RBFOX1: variants seen among roughly 807,000 people sequenced by gnomAD.
RBFOX1 encodes RNA binding fox-1 homolog 1, also known as RNA binding protein fox-1 homolog 1.
In RBFOX1, 8 loss-of-function variants were observed where a neutral mutation model predicts 57.7. That is an observed-to-expected ratio of 0.14 (90% CI 0.08 to 0.25). The LOEUF is 0.25. RBFOX1 is among the 10% of genes least tolerant of loss of function. The pLI, the probability that RBFOX1 is intolerant of heterozygous loss-of-function variation, is 1.00. For synonymous variants in RBFOX1, 326 were observed against 222.4 expected (o/e 1.47, Z -4.15); for missense variants, 611 against 548.5 (o/e 1.11, Z -1.14).
chr16:6,723,864 T>C (rs949453190), intron 3 of RBFOX1: 2 of 152,168 alleles, frequency 1.3e-5, no homozygotes, highest in Non-Finnish European at 2.9e-5. Context: ...CTCACCATTG[T>C]TTCCAGCTCC....
rs555449383 is a variant in RBFOX1 at position 7,097,654 on chromosome 16, C to G, written c.27+45556C>G. Among the ~76,000 whole-genome samples, 78 of 152,168 alleles carry G rather than the reference C, an allele frequency of 5.1e-4. 1 individual carries two copies. Among genetic ancestry groups the G allele is most frequent in the Non-Finnish European group, 8.8e-4 (60 of 68,034 alleles). The stretch of plus-strand genomic sequence containing the variant: ...TCTACATATGTACTAAACCCAGGGC[C>G]TCTCTGCATCTGGTTTTGATCTATA... On this transcript the variant is annotated intron_variant, in intron 4 of 15. Coordinates refer to ENST00000550418, the MANE Select transcript of RBFOX1 (RefSeq NM_018723.4).
chr16:6,654,603 G>T lies in RBFOX1; in HGVS notation c.-63G>T. 6.6e-7 allele frequency: 1 copy of T among 1,507,200 alleles called. No individual in the cohort carries two copies. Among genetic ancestry groups the T allele is most frequent in the Non-Finnish European group, 8.8e-7 (1 of 1,135,908 alleles). The allele number at this position is 1,507,200 out of a possible 1,614,324, so 93.4% of individuals were successfully genotyped here. On this transcript the variant is annotated splice_region_variant and 5_prime_UTR_variant, in exon 3 of 16. Coordinates refer to ENST00000550418, the MANE Select transcript of RBFOX1 (RefSeq NM_018723.4). ...TTCCTTTCTTTTCTTCTCTTCTCAG[G>T]ATATCAAAGCAGACTGCAATACCTG...
At chr16:6,935,359 T>TGAATA (rs2077193377) in intron 3 of RBFOX1, among the ~76,000 whole-genome samples, 1 of 152,120 alleles carries the variant, frequency 6.6e-6, no homozygotes, top group African/African-American at 2.4e-5. Flanking sequence ...TCCCTCCCCA[T>TGAATA]GAATAGAATA....
chr16:7,393,030 C>T (rs1236562812), intron 4 of RBFOX1, among the ~76,000 whole-genome samples: 2 of 152,222 alleles, frequency 1.3e-5, no homozygotes, highest in East Asian at 1.9e-4. Flanking sequence ...CATGCCACCA[C>T]ACCTGGCTAA....
chr16:6,762,913 G>T lies in RBFOX1; in HGVS notation c.-16+108263G>T, dbSNP rs140742202. 4.4e-3 allele frequency among the ~76,000 whole-genome samples: 673 copies of T among 152,256 alleles called. 5 individuals carry two copies. The highest frequency in any genetic ancestry group is 0.016 in the African/African-American group (655 of 41,566). On this transcript the variant is annotated intron_variant, in intron 3 of 15. Coordinates refer to ENST00000550418, the MANE Select transcript of RBFOX1 (RefSeq NM_018723.4). ...GGTACAAAGAGAATTTCAGAGAAAG[G>T]TAGCATCTGAGCTGAAACCTGAAGA... is the stretch of plus-strand genomic sequence containing the variant.
intron 3 of RBFOX1, among the ~76,000 whole-genome samples, chr16:6,921,995 C>G (rs2074559122): frequency 6.6e-6 from 1 of 152,168 alleles, no homozygotes; most frequent in South Asian, 2.1e-4. Flanking sequence ...AGAACTAGCA[C>G]AATGCCTAAC....
rs942440666 is a variant in RBFOX1 at position 7,179,743 on chromosome 16, C to G, written c.27+127645C>G. ...TCACCATCTTCCCAGATTTTTTTTT[C>G]TTTTTGTTTGAGATGGAGTCTTGCT... is the stretch of plus-strand genomic sequence containing the variant. On this transcript the variant is annotated intron_variant, in intron 4 of 15. Transcript: ENST00000550418. Among the ~76,000 whole-genome samples the G allele has an allele frequency of 2.7e-5, 4 of 150,706 alleles. 1 individual carries two copies. The highest frequency in any genetic ancestry group is 5.9e-5 in the Non-Finnish European group (4 of 67,584).
intron 1 of RBFOX1, among the ~76,000 whole-genome samples, chr16:6,066,380 C>G (rs369578537): frequency 1.6e-4 from 23 of 143,910 alleles, no homozygotes; most frequent in African/African-American, 5.8e-4. Flanking sequence ...AAAAAAAAAT[C>G]CAATTTCTAA....
chr16:6,788,001 C>T (rs1447831595), intron 3 of RBFOX1, among the ~76,000 whole-genome samples: 37 of 151,192 alleles, frequency 2.4e-4, no homozygotes, highest in African/African-American at 8.5e-4. Flanking sequence ...GGTGGGGGGA[C>T]CGCTTGAGGT....
chr16:5,247,461 C>G (rs2062331067), intron 1 of RBFOX1, among the ~76,000 whole-genome samples: 1 of 152,196 alleles, frequency 6.6e-6, no homozygotes, highest in East Asian at 1.9e-4. Context: ...CTTGCCTTCT[C>G]CATTCCTCCT....
intron 4 of RBFOX1, among the ~76,000 whole-genome samples, chr16:6,007,607 C>T (rs1310215387): frequency 6.6e-6 from 1 of 152,170 alleles, no homozygotes; most frequent in Non-Finnish European, 1.5e-5. Context: ...TTGGAGTAAA[C>T]AACACTAGCA....
intron 13 of RBFOX1, among the ~76,000 whole-genome samples, chr16:7,674,250 C>G (rs969182051): frequency 6.6e-6 from 1 of 152,132 alleles, no homozygotes; most frequent in Non-Finnish European, 1.5e-5. Context: ...TTACATGTTT[C>G]AGGGATCATT....
intron 4 of RBFOX1, among the ~76,000 whole-genome samples, chr16:7,137,947 GAGTT>G (rs1418955982): frequency 6.6e-6 from 1 of 152,146 alleles, no homozygotes; most frequent in Non-Finnish European, 1.5e-5. Context: ...ATATTTCAGT[GAGTT>G]AGCCTCTATT....
At chr16:7,477,704 C>G (rs981262155) in intron 4 of RBFOX1, among the ~76,000 whole-genome samples, 24 of 152,280 alleles carry the variant, frequency 1.6e-4, no homozygotes, top group African/African-American at 4.3e-4. Context: ...GCCCTGGGGA[C>G]TAGCCTCAGA....
chr16:5,439,686 T>A (rs776597104), intron 1 of RBFOX1, among the ~76,000 whole-genome samples: 4 of 152,030 alleles, frequency 2.6e-5, no homozygotes, highest in African/African-American at 9.7e-5. Context: ...CTCAAGTGAT[T>A]CACCCGCCTT....
intron 4 of RBFOX1, among the ~76,000 whole-genome samples, chr16:7,371,100 G>A (rs904997060): frequency 6.6e-6 from 1 of 152,306 alleles, no homozygotes; most frequent in South Asian, 2.1e-4. Context: ...TCAGAAGCCT[G>A]TCTGATGTTT....
At chr16:7,569,361 C>G (rs542184569) in intron 5 of RBFOX1, among the ~76,000 whole-genome samples, 1 of 152,116 alleles carries the variant, frequency 6.6e-6, no homozygotes, top group East Asian at 1.9e-4. Flanking sequence ...TTTCCTGGCC[C>G]CTGAAGGCCA....
chr16:7,638,274 G>C (rs928622105), intron 11 of RBFOX1, among the ~76,000 whole-genome samples: 3 of 152,180 alleles, frequency 2.0e-5, no homozygotes, highest in African/African-American at 7.2e-5. Context: ...AGGAACTATA[G>C]GACAGGTATG....
At chr16:7,049,332 C>T (rs529883437) in intron 3 of RBFOX1, among the ~76,000 whole-genome samples, 15 of 152,218 alleles carry the variant, frequency 9.9e-5, no homozygotes, top group Admixed American at 9.8e-4. Flanking sequence ...CCTCTTGAGA[C>T]CACAGTCCTA....
Sources: allele counts gnomAD v4.1 joint callset (sites outside exome capture counted in the v4.1 genomes callset), GRCh38; gene constraint gnomAD v4.1.1; transcripts MANE v1.5; gene names NCBI Gene and HGNC (gene_info 2026-07-23, HGNC 2026-07-21).